The following TCF4 variants were observed in gnomAD, a reference collection of about 807,000 sequenced individuals.
TCF4 encodes SL3-3 enhancer factor 2.
In TCF4, 3 loss-of-function variants were observed where a neutral mutation model predicts 82.1. The observed-to-expected ratio is 0.04, with a 90% CI of 0.02 to 0.09. TCF4 has a LOEUF of 0.09. TCF4 is among the 10% of genes least tolerant of loss of function. The pLI is 1.00. For synonymous variants in TCF4, 276 were observed against 309.6 expected (o/e 0.89, Z 1.14); for missense variants, 518 against 852.7 (o/e 0.61, Z 4.89).
At chr18:55,553,501 C>T (rs1414761739) in intron 3 of TCF4, 1 of 152,114 alleles carries the variant, frequency 6.6e-6, no homozygotes, top group South Asian at 2.1e-4. Context: ...GTTTCAAGTT[C>T]ATGGATATTC....
rs532661409 is a variant in TCF4 at position 55,428,449 on chromosome 18, A to G, written c.305-24931T>C. ...CCACTCAGACATCTCTGATCTGCAC[A>G]CCCTTAAATTCAACTGTCTACTTCA... On this transcript the variant is annotated intron_variant, in intron 5 of 19. Transcript: ENST00000354452. Among the ~76,000 whole-genome samples the G allele has an allele frequency of 6.6e-5, 10 of 152,288 alleles. No homozygotes were observed. In the East Asian group the frequency reaches 1.9e-3, roughly 29 times the overall value.
intron 5 of TCF4, among the ~76,000 whole-genome samples, chr18:55,440,827 G>A (rs987489452): frequency 6.6e-6 from 1 of 152,124 alleles, no homozygotes; most frequent in Non-Finnish European, 1.5e-5. Flanking sequence ...CTGATAGCTG[G>A]AAATTTCTTA....
At chr18:55,524,612 T>TC (rs1010466636) in intron 3 of TCF4, among the ~76,000 whole-genome samples, 6 of 152,164 alleles carry the variant, frequency 3.9e-5, no homozygotes, top group African/African-American at 1.4e-4. Flanking sequence ...ACAAAGGCAG[T>TC]CCCCTTCATC....
chr18:55,376,941 A>G (rs2090908263), intron 6 of TCF4, among the ~76,000 whole-genome samples: 1 of 152,198 alleles, frequency 6.6e-6, no homozygotes, highest in Non-Finnish European at 1.5e-5. Context: ...GGAACTTGCT[A>G]TCTCCACCCT....
At chr18:55,289,113 G>C (rs865798994) in intron 8 of TCF4, among the ~76,000 whole-genome samples, 51 of 152,282 alleles carry the variant, frequency 3.3e-4, no homozygotes, top group Middle Eastern at 3.4e-3. Flanking sequence ...CCCTAGCTGA[G>C]AGTGCCTTAA....
upstream of TCF4, among the ~76,000 whole-genome samples, chr18:55,591,999 G>A (rs886323229): frequency 1.4e-4 from 22 of 152,072 alleles, no homozygotes; most frequent in African/African-American, 4.8e-4. Context: ...TGGGTGTTTT[G>A]TCTTCTTTTT....
intron 3 of TCF4, among the ~76,000 whole-genome samples, chr18:55,513,756 T>A (rs1458299715): frequency 6.6e-6 from 1 of 152,164 alleles, no homozygotes; most frequent in Non-Finnish European, 1.5e-5. Flanking sequence ...TCAGAACATA[T>A]ATAATTTGTT....
In TCF4 at chr18:55,633,177, G is replaced by A. The variant is rs1369168013; in HGVS notation, c.196-1789C>T. ...GCCAGATAGTTCTGGCTTACGGTCTGTTCTGAGGTTTGAGCCAAGATGTGG... is the reference window on the plus strand; with the variant it reads ...GCCAGATAGTTCTGGCTTACGGTCTATTCTGAGGTTTGAGCCAAGATGTGG... On this transcript the variant is annotated intron_variant, in intron 1 of 20. Transcript: ENST00000398339. The surrounding 1 kb of genome is among the most constrained non-coding windows in gnomAD (Gnocchi z 4.0). Among the ~76,000 whole-genome samples, 2 of 152,234 alleles carry A rather than the reference G, an allele frequency of 1.3e-5. No individual in the cohort carries two copies. Among genetic ancestry groups the A allele is most frequent in the Admixed American group, 6.5e-5 (1 of 15,288 alleles).
chr18:55,549,448 T>C (rs183031296), intron 3 of TCF4, among the ~76,000 whole-genome samples: 80 of 152,336 alleles, frequency 5.3e-4, no homozygotes, highest in Middle Eastern at 6.8e-3. Context: ...AAACATACTA[T>C]ATAGCTGCAC....
At position 55,254,686 on chromosome 18, in the gene TCF4, T is replaced by C. The variant is rs1013941155; in HGVS notation, c.1161A>G (p.Glu387=). The change falls in exon 15 of 20, where the codon GAA becomes GAG. Residue 387 remains glutamate (E), a synonymous_variant. Coordinates refer to ENST00000354452, the MANE Select transcript of TCF4 (RefSeq NM_001083962.2). ...CATCATCCAGTCTTTCTAAACGATC[T>C]TCAATTCGGCTTTGCTGTTGGTTAA... is the stretch of plus-strand genomic sequence containing the variant. The part of the protein sequence containing the change: ...GPLHSLQSRI[E]DRLERLDDAI... The C allele has an allele frequency of 3.7e-6, 6 of 1,611,292 alleles. No individual in the cohort carries two copies. Among genetic ancestry groups the C allele is most frequent in the Non-Finnish European group, 5.1e-6 (6 of 1,178,714 alleles).
At chr18:55,254,385 G>A in intron 15 of TCF4, 112 bp downstream of exon 15, 1 of 1,022,976 alleles carries the variant, frequency 9.8e-7, no homozygotes, top group Non-Finnish European at 1.5e-6. Flanking sequence ...CGTATGTTAA[G>A]TGAATTATAT....
At chr18:55,503,882 C>T (rs528504984) in intron 3 of TCF4, among the ~76,000 whole-genome samples, 2 of 152,268 alleles carry the variant, frequency 1.3e-5, no homozygotes, top group Non-Finnish European at 2.9e-5. Flanking sequence ...CGAGACCAGC[C>T]TGGCCAACGT....
intron 9 of TCF4, among the ~76,000 whole-genome samples, chr18:55,278,926 C>T (rs747817434): frequency 1.4e-4 from 22 of 152,196 alleles, no homozygotes; most frequent in Non-Finnish European, 2.8e-4. Flanking sequence ...AGACTACAAG[C>T]TCAGGGTGGG....
At chr18:55,513,394 A>T (rs2096848638) in intron 3 of TCF4, among the ~76,000 whole-genome samples, 2 of 149,028 alleles carry the variant, frequency 1.3e-5, no homozygotes, top group South Asian at 2.1e-4. Flanking sequence ...TTACATCAAT[A>T]GCCCATCTCC....
At chr18:55,603,850 A>G (rs1366452677) in intron 2 of TCF4, among the ~76,000 whole-genome samples, 1 of 152,180 alleles carries the variant, frequency 6.6e-6, no homozygotes, top group Non-Finnish European at 1.5e-5. Flanking sequence ...CAGCATGGGA[A>G]CAATTCCTCC....
chr18:55,585,484 C>G (rs934997659), intron 2 of TCF4, 132 bp from the exon 3 acceptor site: 5 of 838,108 alleles, frequency 6.0e-6, no homozygotes, highest in Non-Finnish European at 9.7e-6. Context: ...AATACATCAC[C>G]ATCCAACTTA....
At chr18:55,386,555 C>A (rs955483319) in intron 6 of TCF4, among the ~76,000 whole-genome samples, 1 of 152,136 alleles carries the variant, frequency 6.6e-6, no homozygotes, top group Admixed American at 6.5e-5. Context: ...TGACTACAAC[C>A]TTTCATTGTT....
At chr18:55,488,463 G>GA (rs113764039) in intron 3 of TCF4, among the ~76,000 whole-genome samples, 16,435 of 150,336 alleles carry the variant, frequency 0.11, 1,309 homozygotes, top group South Asian at 0.23. Context: ...AGAAGAGAGG[G>GA]AAAAAAAAAG....
At chr18:55,607,967 G>A (rs992984764) in intron 2 of TCF4, among the ~76,000 whole-genome samples, 1 of 152,156 alleles carries the variant, frequency 6.6e-6, no homozygotes, top group Non-Finnish European at 1.5e-5. Context: ...CCTAACACCT[G>A]TGAACAAATG....
Sources: gnomAD v4.1 joint callset for allele counts (sites outside exome capture counted in the v4.1 genomes callset) on GRCh38, gnomAD v4.1.1 for gene constraint, Gnocchi (gnomAD v3.1) non-coding constraint, MANE v1.5 for transcripts, NCBI Gene and HGNC (gene_info 2026-07-23, HGNC 2026-07-21) for gene names.